Variants in NELL2 observed in about 807,000 individuals in gnomAD.
NELL2 encodes protein kinase C-binding protein NELL2.
NELL2 carries 41 observed loss-of-function variants against 109.6 expected under a neutral mutation model. That is an observed-to-expected ratio of 0.37 (90% CI 0.29 to 0.49). NELL2 has a LOEUF of 0.49. NELL2 is among the 20% of genes least tolerant of loss of function. NELL2 has a pLI of 0.98. For synonymous variants in NELL2, 355 were observed against 344.7 expected, an observed-to-expected ratio of 1.03 and a Z score of -0.33; for missense variants, 900 against 1,008.3, an observed-to-expected ratio of 0.89 and a Z score of 1.45.
intron 15 of NELL2, among the ~76,000 whole-genome samples, chr12:44,544,525 G>A (rs558136753): frequency 2.2e-4 from 33 of 152,088 alleles, no homozygotes; most frequent in Non-Finnish European, 1.0e-4. Context: ...GAGTTTAGAT[G>A]AGGAACTCCT....
In NELL2 at chr12:44,508,965, G is replaced by A; in HGVS notation, c.2420C>T (p.Ser807Leu). 6.2e-7 allele frequency: 1 copy of A among 1,612,716 alleles called. No homozygotes were observed. The highest frequency in any genetic ancestry group is 1.7e-4 in the Middle Eastern group (1 of 6,000). The change falls in exon 20 of 20, where the codon TCA becomes TTA. Residue 807 changes from serine to leucine, a missense_variant. Around this residue, in one of 4 missense-constraint regions of NELL2, gnomAD observed 333 missense variants for 432.3 expected, o/e 0.77. Coordinates refer to ENST00000429094, the MANE Select transcript of NELL2 (RefSeq NM_001145108.2). ...CQCKNGHICC[S>L]VDPQCLQEL ...TTCCTGAAGGCACTGTGGATCCACT[G>A]AGCAACAGATGTGGCCATTCTAGAT...
chr12:44,756,831 C>T (rs1940911698), intron 9 of NELL2, among the ~76,000 whole-genome samples: 3 of 151,484 alleles, frequency 2.0e-5, no homozygotes, highest in East Asian at 1.9e-4. Flanking sequence ...CTCCCTTTTC[C>T]TCTCAATATA....
upstream of NELL2, among the ~76,000 whole-genome samples, chr12:44,915,785 C>CAAA (rs138041837): frequency 6.7e-6 from 1 of 149,090 alleles, no homozygotes; most frequent in African/African-American, 2.5e-5. Flanking sequence ...GGAAGAGATG[C>CAAA]AAAAAAAAAT....
chr12:44,665,573 C>T lies in NELL2; in HGVS notation c.1355G>A (p.Arg452His), dbSNP rs750566671. ...GGTGTTGACACACATTGTATTTTCACGACAGTAATGGCGCCCTTCAGCACA... is the reference window on the plus strand; with the variant it reads ...GGTGTTGACACACATTGTATTTTCATGACAGTAATGGCGCCCTTCAGCACA... ...DECAEGRHYC[R>H]ENTMCVNTPG... Residue 452 changes from arginine to histidine, a missense_variant, in exon 13 of 20, where the codon CGT (arginine) becomes CAT (histidine). Transcript: ENST00000429094. The T allele has an allele frequency of 3.0e-5, 48 of 1,613,170 alleles. No individual in the cohort carries two copies. Among genetic ancestry groups the T allele is most frequent in the Middle Eastern group, 1.6e-4 (1 of 6,078 alleles).
intron 16 of NELL2, among the ~76,000 whole-genome samples, chr12:44,531,855 G>A (rs1184114936): frequency 1.3e-5 from 2 of 152,104 alleles, no homozygotes; most frequent in East Asian, 3.9e-4. Flanking sequence ...ACTTCTGATG[G>A]CAAATTCTTT....
chr12:44,640,534 T>C lies in NELL2; in HGVS notation c.1444+24950A>G, dbSNP rs917337169. On this transcript the variant is annotated intron_variant, in intron 13 of 19. Transcript: ENST00000429094. Reference sequence around the variant, plus strand: ...CAACTCAAAAATTTTAAAATCAATATGCATGTGATCAGTTTTTACATTCTA... The same window carrying C: ...CAACTCAAAAATTTTAAAATCAATACGCATGTGATCAGTTTTTACATTCTA... Among the ~76,000 whole-genome samples, 7 of 152,216 alleles carry C rather than the reference T, an allele frequency of 4.6e-5. No homozygotes were observed. The South Asian group carries it at 8.3e-4, about 18-fold the overall frequency.
intron 15 of NELL2, among the ~76,000 whole-genome samples, chr12:44,541,250 C>CAAAAAAAAAAAAAAAAAAAAAAA (rs3071951): frequency 1.3e-5 from 1 of 78,904 alleles, no homozygotes; most frequent in Non-Finnish European, 2.3e-5. Context: ...GACTCCATCT[C>CAAAAAAAAAAAAAAAAAAAAAAA]AAAAAAAAAA....
At chr12:44,685,726 G>A (rs1343117296) in intron 12 of NELL2, among the ~76,000 whole-genome samples, 1 of 152,106 alleles carries the variant, frequency 6.6e-6, no homozygotes, top group Non-Finnish European at 1.5e-5. Flanking sequence ...TTTTCTTTAA[G>A]AATGTTGAAT....
chr12:44,870,261 A>G (rs1309935829), intron 2 of NELL2, among the ~76,000 whole-genome samples: 1 of 152,172 alleles, frequency 6.6e-6, no homozygotes, highest in East Asian at 1.9e-4. Flanking sequence ...CCTCAATAAT[A>G]GAGTCACCAA....
At chr12:44,829,455 C>T (rs1943817746) in intron 2 of NELL2, among the ~76,000 whole-genome samples, 1 of 152,252 alleles carries the variant, frequency 6.6e-6, no homozygotes, top group Middle Eastern at 3.4e-3. Flanking sequence ...CAGCTAATAT[C>T]ATTAACCCAT....
chr12:44,683,030 A>G (rs1163238779), intron 12 of NELL2, among the ~76,000 whole-genome samples: 1 of 152,272 alleles, frequency 6.6e-6, no homozygotes, highest in East Asian at 1.9e-4. Flanking sequence ...TTTTCATGAT[A>G]TTGATTCTTC....
chr12:44,919,203 TCA>T (rs1945851493), intron 1 of NELL2, among the ~76,000 whole-genome samples: 1 of 152,052 alleles, frequency 6.6e-6, no homozygotes. Flanking sequence ...TCCCTAAACC[TCA>T]GTTTTTCCAG....
chr12:44,633,168 G>C (rs1475676351), intron 13 of NELL2, among the ~76,000 whole-genome samples: 1 of 152,010 alleles, frequency 6.6e-6, no homozygotes, highest in East Asian at 1.9e-4. Context: ...TTGATTATGA[G>C]GTAAAGGCAA....
At chr12:44,842,949 T>G (rs745482543) in intron 2 of NELL2, among the ~76,000 whole-genome samples, 1 of 152,112 alleles carries the variant, frequency 6.6e-6, no homozygotes, top group Non-Finnish European at 1.5e-5. Flanking sequence ...AAGAAAGGAC[T>G]CCTCAGAGGA....
chr12:44,541,267 G>GA (rs1235615873), intron 15 of NELL2, among the ~76,000 whole-genome samples: 57 of 89,614 alleles, frequency 6.4e-4, no homozygotes, highest in African/African-American at 1.5e-3. Flanking sequence ...AAAAAAAAAA[G>GA]AAAAAAAAAA....
intron 3 of NELL2, among the ~76,000 whole-genome samples, chr12:44,791,884 T>C (rs1380142295): frequency 6.6e-6 from 1 of 151,676 alleles, no homozygotes; most frequent in East Asian, 1.9e-4. Context: ...GGCATGGGAA[T>C]ATGGGGGTAA....
At chr12:44,697,562 C>T (rs113345237) in intron 12 of NELL2, among the ~76,000 whole-genome samples, 2 of 152,020 alleles carry the variant, frequency 1.3e-5, no homozygotes, top group Non-Finnish European at 2.9e-5. Flanking sequence ...AATGAAATGA[C>T]GTTATTTGAG....
chr12:44,612,865 C>G (rs1291978072), intron 13 of NELL2, among the ~76,000 whole-genome samples: 1 of 151,946 alleles, frequency 6.6e-6, no homozygotes, highest in Non-Finnish European at 1.5e-5. Context: ...GAGAAAGGAC[C>G]TAACAAGATT....
chr12:44,921,419 TA>T (rs1327972161), intron 1 of NELL2, among the ~76,000 whole-genome samples: 1 of 152,100 alleles, frequency 6.6e-6, no homozygotes, highest in East Asian at 1.9e-4. Flanking sequence ...ATTCAGTAAC[TA>T]CGTAGGCGGT....
Sources: allele counts gnomAD v4.1 joint callset (sites outside exome capture counted in the v4.1 genomes callset), GRCh38; gene constraint gnomAD v4.1.1; regional missense constraint gnomAD v4.1.1; transcripts MANE v1.5; gene names NCBI Gene and HGNC (gene_info 2026-07-23, HGNC 2026-07-21).